Variants in CSMD1 observed in about 807,000 individuals in gnomAD.
The protein encoded by CSMD1 is CUB and Sushi multiple domains 1.
In CSMD1, 213 loss-of-function variants were observed where a neutral mutation model predicts 417.5. That is an observed-to-expected ratio of 0.51 (90% CI 0.46 to 0.57). CSMD1 has a LOEUF of 0.57. CSMD1 is among the 20% of genes least tolerant of loss of function. The pLI is 0.00. For synonymous variants in CSMD1, 2,862 were observed against 1,736.8 expected (o/e 1.65, Z -16.11); for missense variants, 6,923 against 4,529.7 (o/e 1.53, Z -15.17).
chr8:3,713,548 C>G (rs1291779986), intron 6 of CSMD1, among the ~76,000 whole-genome samples: 1 of 152,110 alleles, frequency 6.6e-6, no homozygotes, highest in Non-Finnish European at 1.5e-5. Flanking sequence ...CCTCAAGATC[C>G]ACTGAACTTC....
At chr8:4,202,626 T>C (rs888977770) in intron 3 of CSMD1, among the ~76,000 whole-genome samples, 17 of 152,352 alleles carry the variant, frequency 1.1e-4, no homozygotes, top group Middle Eastern at 3.4e-3. Flanking sequence ...ATGGTGGATA[T>C]TGTAAATTTC....
intron 3 of CSMD1, among the ~76,000 whole-genome samples, chr8:4,139,800 A>C (rs1037448777): frequency 6.6e-6 from 1 of 151,146 alleles, no homozygotes; most frequent in Non-Finnish European, 1.5e-5. Flanking sequence ...AGTGTTCTAC[A>C]GGCTTACTGG....
intron 5 of CSMD1, among the ~76,000 whole-genome samples, chr8:3,856,978 T>A (rs1804356508): frequency 6.6e-6 from 1 of 152,146 alleles, no homozygotes; most frequent in Admixed American, 6.6e-5. Context: ...ATTTGGAATT[T>A]TTTTTATTTG....
At chr8:4,525,079 T>C (rs763997709) in intron 2 of CSMD1, among the ~76,000 whole-genome samples, 1 of 152,180 alleles carries the variant, frequency 6.6e-6, no homozygotes, top group Non-Finnish European at 1.5e-5. Flanking sequence ...GCAAGTCAAA[T>C]ACATCAACCT....
At chr8:4,506,917 AT>A (rs1298911654) in intron 2 of CSMD1, among the ~76,000 whole-genome samples, 1 of 152,168 alleles carries the variant, frequency 6.6e-6, no homozygotes, top group African/African-American at 2.4e-5. Context: ...TCTTAGGTAC[AT>A]TTTTCTGTCT....
At chr8:4,467,324 A>C (rs978298314) in intron 2 of CSMD1, among the ~76,000 whole-genome samples, 1 of 152,108 alleles carries the variant, frequency 6.6e-6, no homozygotes, top group African/African-American at 2.4e-5. Context: ...CAGATTATTT[A>C]ATTGACCCAT....
intron 1 of CSMD1, among the ~76,000 whole-genome samples, chr8:4,902,058 A>T (rs994440459): frequency 4.6e-5 from 7 of 152,208 alleles, no homozygotes; most frequent in African/African-American, 1.7e-4. Context: ...ATATGGACTT[A>T]CATTAAAGAA....
intron 7 of CSMD1, among the ~76,000 whole-genome samples, chr8:3,670,380 C>A (rs1383143584): frequency 6.6e-6 from 1 of 151,618 alleles, no homozygotes; most frequent in Non-Finnish European, 1.5e-5. Context: ...CCTCAGTTTG[C>A]AGATGGCCTA....
intron 3 of CSMD1, among the ~76,000 whole-genome samples, chr8:4,261,198 G>A (rs1213210163): frequency 1.3e-5 from 2 of 152,138 alleles, no homozygotes; most frequent in East Asian, 1.9e-4. Flanking sequence ...TAAGTTAAAA[G>A]CTACTAGAGA....
intron 26 of CSMD1, among the ~76,000 whole-genome samples, chr8:3,271,797 T>G (rs1240425963): frequency 6.6e-6 from 1 of 152,124 alleles, no homozygotes; most frequent in Non-Finnish European, 1.5e-5. Context: ...TTCTTGTAAA[T>G]TTGTTTGAGT....
intron 4 of CSMD1, among the ~76,000 whole-genome samples, chr8:4,029,272 T>C (rs188477988): frequency 1.1e-4 from 17 of 152,272 alleles, no homozygotes; most frequent in Admixed American, 5.9e-4. Flanking sequence ...ATTTGGGGGA[T>C]ATAATAACAA....
At chr8:4,359,675 G>C (rs1267337483) in intron 3 of CSMD1, among the ~76,000 whole-genome samples, 1 of 152,194 alleles carries the variant, frequency 6.6e-6, no homozygotes, top group African/African-American at 2.4e-5. Context: ...TTCTGGGTAT[G>C]AATCCTCAGC....
chr8:4,138,594 C>A (rs1585399096), intron 3 of CSMD1, among the ~76,000 whole-genome samples: 2 of 150,696 alleles, frequency 1.3e-5, no homozygotes, highest in Non-Finnish European at 1.5e-5. Context: ...CTTAGAAATT[C>A]AAGAAAGCAA....
intron 2 of CSMD1, among the ~76,000 whole-genome samples, chr8:4,459,185 G>C (rs903410853): frequency 2.6e-5 from 4 of 152,182 alleles, no homozygotes; most frequent in Non-Finnish European, 4.4e-5. Flanking sequence ...GATGAGTTTG[G>C]CCAACAGGCC....
At chr8:4,005,707 C>G (rs548172534) in intron 4 of CSMD1, among the ~76,000 whole-genome samples, 1 of 152,310 alleles carries the variant, frequency 6.6e-6, no homozygotes, top group East Asian at 1.9e-4. Flanking sequence ...TTTCAAGACT[C>G]CCTCATTTGA....
At chr8:4,913,894 G>A (rs914793937) in intron 1 of CSMD1, among the ~76,000 whole-genome samples, 2 of 152,252 alleles carry the variant, frequency 1.3e-5, no homozygotes, top group South Asian at 2.1e-4. Flanking sequence ...CGATTACTGT[G>A]CATCCTTCTT....
In CSMD1 at chr8:3,521,846, T is replaced by A. The variant is rs367560914; in HGVS notation, c.1345-28120A>T. ...TAGCTTTAAGAAATGTATATTATCATACTATCTATTCTAATACCGCGGAAC... is the reference window on the plus strand; with the variant it reads ...TAGCTTTAAGAAATGTATATTATCAAACTATCTATTCTAATACCGCGGAAC... On this transcript the variant is annotated intron_variant, in intron 10 of 69. Coordinates refer to ENST00000635120, the MANE Select transcript of CSMD1 (RefSeq NM_033225.6). Among the ~76,000 whole-genome samples, 24 of 152,336 alleles carry A rather than the reference T, an allele frequency of 1.6e-4. No homozygotes were observed. The East Asian group carries it at 3.3e-3, about 21-fold the overall frequency.
intron 26 of CSMD1, among the ~76,000 whole-genome samples, chr8:3,268,678 G>C (rs530108680): frequency 2.0e-5 from 3 of 152,240 alleles, no homozygotes; most frequent in African/African-American, 7.2e-5. Context: ...TGTTTTTAAA[G>C]ACATTGTGAT....
Position 4,444,117 on chromosome 8 carries a change from C to T in CSMD1, c.303-24052G>A, listed in dbSNP as rs188825357. On this transcript the variant is annotated intron_variant, in intron 2 of 69. Transcript: ENST00000635120. The stretch of plus-strand genomic sequence containing the variant: ...AGCACTTTGGGAGGTCGAGGCAGGT[C>T]GATCACTTCAGGTCAGAAATTTGAG... Among the ~76,000 whole-genome samples, 181 of 151,836 alleles carry T rather than the reference C, an allele frequency of 1.2e-3. 3 individuals are homozygous for T. Among genetic ancestry groups the T allele is most frequent in the African/African-American group, 4.1e-3 (168 of 41,380 alleles).
Sources: allele counts gnomAD v4.1 joint callset (sites outside exome capture counted in the v4.1 genomes callset), GRCh38; gene constraint gnomAD v4.1.1; transcripts MANE v1.5; gene names NCBI Gene and HGNC (gene_info 2026-07-23, HGNC 2026-07-21).